The following XKR3 variants were observed in gnomAD, a reference collection of about 807,000 sequenced individuals.
XKR3 encodes the protein XK-related protein 3.
Under a neutral mutation model 40.3 loss-of-function variants are expected in XKR3, and 27 were observed. That is an observed-to-expected ratio of 0.67 (90% CI 0.49 to 0.92). The LOEUF (loss-of-function observed/expected upper bound fraction) is 0.92, where lower values mean the gene tolerates loss of function less well. Ranked by LOEUF, XKR3 falls within the 40% of genes least tolerant of loss-of-function variation. The pLI is 0.00. For missense variants in XKR3, 472 were observed against 537.6 expected, an observed-to-expected ratio of 0.88 and a Z score of 1.21; for synonymous variants, 193 against 195.4, an observed-to-expected ratio of 0.99 and a Z score of 0.10.
intron 3 of XKR3, among the ~76,000 whole-genome samples, chr22:16,784,851 G>T (rs1366828859): frequency 6.6e-6 from 1 of 152,216 alleles, no homozygotes; most frequent in African/African-American, 2.4e-5. Context: ...GTTAGCATGT[G>T]AAATAGGAGA....
intron 1 of XKR3, among the ~76,000 whole-genome samples, chr22:16,810,068 T>G (rs2060206601): frequency 6.6e-6 from 1 of 152,322 alleles, no homozygotes; most frequent in South Asian, 2.1e-4. Flanking sequence ...AAAAGTTATT[T>G]TTTAGTCTCC....
Position 16,797,529 on chromosome 22 carries a change from G to A in XKR3, c.589+2242C>T, listed in dbSNP as rs901663576. Among the ~76,000 whole-genome samples the A allele has an allele frequency of 1.2e-4, 19 of 152,036 alleles. No individual in the cohort carries two copies. The South Asian group carries it at 2.3e-3, about 18-fold the overall frequency. The stretch of plus-strand genomic sequence containing the variant: ...TAAAAGTGGCCAGGCGCAGTGGCTC[G>A]CGCCTGTAATCCCAGCACTTTGGGA... On this transcript the variant is annotated intron_variant, in intron 3 of 3. Coordinates refer to ENST00000684488, the MANE Select transcript of XKR3 (RefSeq NM_001386955.1).
chr22:16,823,468 A>G (rs568323343), intron 1 of XKR3, among the ~76,000 whole-genome samples: 2 of 152,334 alleles, frequency 1.3e-5, no homozygotes, highest in East Asian at 3.9e-4. Context: ...GCCTTGGTCA[A>G]TTCTTGAGTA....
chr22:16,806,265 A>AAAAAAAAG (rs1281798179), intron 2 of XKR3, among the ~76,000 whole-genome samples: 1 of 145,558 alleles, frequency 6.9e-6, no homozygotes, highest in East Asian at 2.0e-4. Flanking sequence ...CATCTCAAAA[A>AAAAAAAAG]AAAAAAGAAA....
chr22:16,821,786 A>G (rs1273917218), intron 1 of XKR3: 2 of 152,122 alleles, frequency 1.3e-5, no homozygotes, highest in Non-Finnish European at 2.9e-5. Flanking sequence ...AATTTCATAT[A>G]AATTGAATTT....
chr22:16,797,926 C>A (rs1474689687), intron 3 of XKR3, among the ~76,000 whole-genome samples: 1 of 151,882 alleles, frequency 6.6e-6, no homozygotes, highest in Non-Finnish European at 1.5e-5. Context: ...ATAATCCCAG[C>A]ACTTTGGGAG....
At chr22:16,795,868 G>A (rs1002567694) in intron 3 of XKR3, among the ~76,000 whole-genome samples, 2 of 152,110 alleles carry the variant, frequency 1.3e-5, no homozygotes, top group Non-Finnish European at 2.9e-5. Flanking sequence ...TCAGGGGGCT[G>A]AGGCATGAGA....
chr22:16,816,490 T>A (rs2060234217), intron 1 of XKR3, among the ~76,000 whole-genome samples: 1 of 151,808 alleles, frequency 6.6e-6, no homozygotes, highest in Admixed American at 6.6e-5. Context: ...CCTAAAAATG[T>A]AAAATGTATT....
chr22:16,818,114 T>C (rs2060241336), intron 1 of XKR3, among the ~76,000 whole-genome samples: 1 of 152,198 alleles, frequency 6.6e-6, no homozygotes, highest in African/African-American at 2.4e-5. Flanking sequence ...AAGTTTATTC[T>C]ATAAAATCAC....
chr22:16,783,635 C>G lies in XKR3; in HGVS notation c.1364G>C (p.Ser455Thr). Residue 455 changes from serine (S) to threonine (T), a missense_variant, in exon 4 of 4, where the codon AGT becomes ACT. Physicochemically the swap from Ser to Thr is moderately conservative, Grantham distance 58. Transcript: ENST00000684488. ...NRVGYFSIRK[S>T]MTCS ...ATGTATATTTTATGAACATGTCATA[C>G]TTTTTCTGATTGAAAAATATCCAAC... is the stretch of plus-strand genomic sequence containing the variant. 6.3e-7 allele frequency: 1 copy of G among 1,592,404 alleles called. No individual in the cohort carries two copies. The highest frequency in any genetic ancestry group is 1.4e-5 in the African/African-American group (1 of 74,052).
chr22:16,787,551 C>T (rs1328854731), intron 3 of XKR3, among the ~76,000 whole-genome samples: 2 of 116,786 alleles, frequency 1.7e-5, no homozygotes, highest in Non-Finnish European at 1.8e-5. Context: ...AAGAGCAAAA[C>T]TCCGTCTCAA....
intron 1 of XKR3, among the ~76,000 whole-genome samples, chr22:16,816,047 C>A (rs1356557630): frequency 6.6e-6 from 1 of 151,718 alleles, no homozygotes; most frequent in African/African-American, 2.4e-5. Flanking sequence ...TTTCTCTACA[C>A]CTTTGTTTTA....
At chr22:16,818,221 C>T (rs2060241694) in intron 1 of XKR3, among the ~76,000 whole-genome samples, 1 of 152,042 alleles carries the variant, frequency 6.6e-6, no homozygotes, top group Admixed American at 6.6e-5. Flanking sequence ...TTAAAGCCTT[C>T]CTCAAACTTT....
In XKR3 at chr22:16,801,719, G is replaced by A. The variant is rs564307707; in HGVS notation, c.336-1695C>T. On this transcript the variant is annotated intron_variant, in intron 2 of 3. Coordinates refer to ENST00000684488, the MANE Select transcript of XKR3 (RefSeq NM_001386955.1). ...AAAAAAGCAAACAACAGAAAAGGCA[G>A]AAAAGGCTGTTTGTGCTTTTATAAA... Among the ~76,000 whole-genome samples the A allele has an allele frequency of 5.6e-4, 82 of 147,298 alleles. 2 individuals are homozygous for A. The highest frequency in any genetic ancestry group is 6.9e-4 in the Non-Finnish European group (46 of 67,044).
chr22:16,813,810 T>C (rs2060222570), intron 1 of XKR3, among the ~76,000 whole-genome samples: 1 of 152,220 alleles, frequency 6.6e-6, no homozygotes, highest in Non-Finnish European at 1.5e-5. Flanking sequence ...AGGTTCCCAA[T>C]TTTTCCATAT....
At chr22:16,815,871 T>C (rs1029976968) in intron 1 of XKR3, among the ~76,000 whole-genome samples, 5 of 151,980 alleles carry the variant, frequency 3.3e-5, no homozygotes, top group Non-Finnish European at 5.9e-5. Flanking sequence ...AATTTGTGAC[T>C]GTTATATATC....
At chr22:16,804,056 A>G (rs2060179972) in intron 2 of XKR3, among the ~76,000 whole-genome samples, 1 of 152,180 alleles carries the variant, frequency 6.6e-6, no homozygotes, top group African/African-American at 2.4e-5. Context: ...AGAATAATGA[A>G]CAAAAATCAC....
rs1296651723 is a variant in XKR3 at position 16,807,592 on chromosome 22, C to T, written c.335+147G>A. On this transcript the variant is annotated intron_variant, in intron 2 of 3. Coordinates refer to ENST00000684488, the MANE Select transcript of XKR3 (RefSeq NM_001386955.1). The stretch of plus-strand genomic sequence containing the variant: ...GATGACAATTAAATAGGAACAGTTA[C>T]GAAAGTGTGAAAACTAAATAAATCT... The T allele has an allele frequency of 2.0e-5, 16 of 804,692 alleles. No homozygotes were observed. The East Asian group carries it at 2.2e-4, about 11-fold the overall frequency. 49.8% of individuals were successfully genotyped at this position (804,692 alleles called of 1,614,324 possible). A position where few individuals can be genotyped will look rare whatever the true frequency, so the allele number is the denominator to read the frequency against.
chr22:16,811,244 T>C lies in XKR3; in HGVS notation c.-10-3161A>G, dbSNP rs182719002. Among the ~76,000 whole-genome samples, 20 of 151,818 alleles carry C rather than the reference T, an allele frequency of 1.3e-4. 2 individuals are homozygous for C. Among genetic ancestry groups the C allele is most frequent in the African/African-American group, 4.6e-4 (19 of 41,414 alleles). On this transcript the variant is annotated intron_variant, in intron 1 of 3. Transcript: ENST00000684488. Reference sequence around the variant, plus strand: ...GTTCAGGCGATTTCCTGCCTCAGCCTCTCAGTAGCTGGGACCACAGGTGCC... The same window carrying C: ...GTTCAGGCGATTTCCTGCCTCAGCCCCTCAGTAGCTGGGACCACAGGTGCC...
Sources: allele counts gnomAD v4.1 joint callset (sites outside exome capture counted in the v4.1 genomes callset), GRCh38; gene constraint gnomAD v4.1.1; transcripts MANE v1.5; gene names NCBI Gene and HGNC (gene_info 2026-07-23, HGNC 2026-07-21).